Variants in CDH3 observed in about 807,000 individuals in gnomAD.
The protein encoded by CDH3 is cadherin-3.
CDH3 carries 54 observed loss-of-function variants against 82.0 expected under a neutral mutation model. The ratio of observed to expected loss-of-function variants is 0.66; its 90% CI spans 0.53 to 0.83. The LOEUF (loss-of-function observed/expected upper bound fraction) is 0.83, where lower values mean the gene tolerates loss of function less well. Ranked by LOEUF, CDH3 falls within the 40% of genes least tolerant of loss-of-function variation. CDH3 has a pLI of 0.00. For missense variants in CDH3, 1,054 were observed against 1,084.6 expected, an observed-to-expected ratio of 0.97 and a Z score of 0.40; for synonymous variants, 446 against 437.9, an observed-to-expected ratio of 1.02 and a Z score of -0.23.
At chr16:68,722,903 C>T (rs966491567) in intron 2 of CDH3, among the ~76,000 whole-genome samples, 24 of 152,122 alleles carry the variant, frequency 1.6e-4, no homozygotes, top group Admixed American at 1.4e-3. Context: ...CAGGGATTCT[C>T]CTGCCTCAGC....
chr16:68,712,015 GT>G (rs1448659156), intron 1 of CDH3, among the ~76,000 whole-genome samples: 1 of 141,154 alleles, frequency 7.1e-6, no homozygotes, highest in Non-Finnish European at 1.5e-5. Flanking sequence ...TGTTTTGTTT[GT>G]TTCTTGGGTT....
chr16:68,645,594 C>CG, intron 1 of CDH3, 42 bp from the exon 2 acceptor site: 1 of 1,507,092 alleles, frequency 6.6e-7, no homozygotes. Context: ...GGGCCGGGCA[C>CG]GCCTGGACCC....
rs757269075 is a variant in CDH3 at position 68,645,332 on chromosome 16, A to C, written c.-48A>C. ...CTCAAAGGGGCAAGAGCTGAGCGGAACACCGGCCCGCCGTCGCGGCAGCTG... is the reference window on the plus strand; with the variant it reads ...CTCAAAGGGGCAAGAGCTGAGCGGACCACCGGCCCGCCGTCGCGGCAGCTG... On this transcript the variant is annotated 5_prime_UTR_variant, in exon 1 of 16. Coordinates refer to ENST00000264012, the MANE Select transcript of CDH3 (RefSeq NM_001793.6). 1 of 1,599,846 alleles carries C rather than the reference A, an allele frequency of 6.3e-7. No homozygotes were observed. The highest frequency in any genetic ancestry group is 8.5e-7 in the Non-Finnish European group (1 of 1,170,228).
chr16:68,708,690 C>T (rs1427739186), intron 1 of CDH3, among the ~76,000 whole-genome samples: 1 of 151,166 alleles, frequency 6.6e-6, no homozygotes, highest in Non-Finnish European at 1.5e-5. Context: ...GTCGCCCAGG[C>T]TGGAGTACAG....
At position 68,693,095 on chromosome 16, in the gene CDH3, C is replaced by T. The variant is rs541531267; in HGVS notation, c.2002+1169C>T. On this transcript the variant is annotated intron_variant, in intron 13 of 15. Coordinates refer to ENST00000264012, the MANE Select transcript of CDH3 (RefSeq NM_001793.6). ...CTCCAGCCTGGGCAACAGGGCGAGACTCTGTCTTTAGAAAAACAAAACAAA... is the reference window on the plus strand; with the variant it reads ...CTCCAGCCTGGGCAACAGGGCGAGATTCTGTCTTTAGAAAAACAAAACAAA... 2.7e-4 allele frequency among the ~76,000 whole-genome samples: 41 copies of T among 152,272 alleles called. No homozygotes were observed. The South Asian group carries it at 8.3e-3, about 31-fold the overall frequency.
intron 2 of CDH3, among the ~76,000 whole-genome samples, chr16:68,655,115 A>T (rs1960379129): frequency 6.6e-6 from 1 of 152,240 alleles, no homozygotes; most frequent in East Asian, 1.9e-4. Flanking sequence ...AGCCTCAAGC[A>T]ATCGTCTTGC....
At chr16:68,692,066 T>A in intron 13 of CDH3, 140 bp downstream of exon 13, 1 of 642,702 alleles carries the variant, frequency 1.6e-6, no homozygotes, top group Non-Finnish European at 2.7e-6. Context: ...AGACAGGGTC[T>A]CACTCTGTCA....
chr16:68,716,608 G>A (rs1193948602), intron 1 of CDH3, among the ~76,000 whole-genome samples: 1 of 103,250 alleles, frequency 9.7e-6, no homozygotes, highest in Non-Finnish European at 1.7e-5. Flanking sequence ...GTGACAGAAT[G>A]AGACTCCGGC....
At chr16:68,728,974 C>T (rs1371482726), downstream of CDH3, among the ~76,000 whole-genome samples, 3 of 152,088 alleles carry the variant, frequency 2.0e-5, no homozygotes, top group East Asian at 1.9e-4. Context: ...GATTGAGGAA[C>T]GCGTTTAAGG....
At chr16:68,705,285 C>T (rs1019875334), downstream of CDH3, among the ~76,000 whole-genome samples, 1 of 152,152 alleles carries the variant, frequency 6.6e-6, no homozygotes, top group South Asian at 2.1e-4. Flanking sequence ...CTCACTGACT[C>T]TGAGACTCTG....
At chr16:68,731,036 AAAAAAAAAAAAATATATAT>A (rs1415877563), downstream of CDH3, among the ~76,000 whole-genome samples, 2 of 36,540 alleles carry the variant, frequency 5.5e-5, no homozygotes, top group Non-Finnish European at 1.5e-4. Flanking sequence ...AAAAAAAAAA[AAAAAAAAAAAAATATATAT>A]ATATATATAT....
intron 1 of CDH3, among the ~76,000 whole-genome samples, chr16:68,706,544 CTTTTTTTTTTTTT>C (rs34364461): frequency 2.5e-5 from 2 of 81,628 alleles, no homozygotes; most frequent in East Asian, 7.2e-4. Context: ...GTCACATTTC[CTTTTTTTTTTTTT>C]TTTTTTTTTT....
chr16:68,725,930 C>G (rs531242843), intron 2 of CDH3, among the ~76,000 whole-genome samples: 12 of 152,084 alleles, frequency 7.9e-5, no homozygotes, highest in Non-Finnish European at 1.6e-4. Flanking sequence ...TGGGACATGC[C>G]TGTAGTCCCA....
At chr16:68,675,028 A>G (rs1416056062) in intron 2 of CDH3, among the ~76,000 whole-genome samples, 1 of 151,774 alleles carries the variant, frequency 6.6e-6, no homozygotes, top group Non-Finnish European at 1.5e-5. Context: ...CAGAAGAATC[A>G]CTTGAACCTG....
rs139824268 is a variant in CDH3 at position 68,693,349 on chromosome 16, G to A, written c.2002+1423G>A. Among the ~76,000 whole-genome samples the A allele has an allele frequency of 2.6e-5, 4 of 152,208 alleles. No homozygotes were observed. In the East Asian group the frequency reaches 7.7e-4, roughly 29 times the overall value. Reference sequence around the variant, plus strand: ...CTAGGAGGCTGTAGCCATAATCCAGGGGTAAAAAGGTGATGGGAGGCTCAG... The same window carrying A: ...CTAGGAGGCTGTAGCCATAATCCAGAGGTAAAAAGGTGATGGGAGGCTCAG... On this transcript the variant is annotated intron_variant, in intron 13 of 15. Coordinates refer to ENST00000264012, the MANE Select transcript of CDH3 (RefSeq NM_001793.6).
rs767010914 is a variant in CDH3 at position 68,709,489 on chromosome 16, C to T, written c.100-12936C>T. 5.3e-5 allele frequency among the ~76,000 whole-genome samples: 8 copies of T among 152,176 alleles called. No individual in the cohort carries two copies. In the South Asian group the frequency reaches 6.2e-4, roughly 12 times the overall value. ...TGGGGTGAGCAGGGTTGCAGGGTCT[C>T]CCTCCGTCACCCAGGCTGGAGTACA... On this transcript the variant is annotated intron_variant, in intron 1 of 2. Transcript: ENST00000569080.
intron 2 of CDH3, among the ~76,000 whole-genome samples, chr16:68,667,689 T>C (rs1960774187): frequency 6.6e-6 from 1 of 152,176 alleles, no homozygotes; most frequent in Admixed American, 6.6e-5. Flanking sequence ...TTAAAAAGCT[T>C]TCTTTTCCCA....
chr16:68,646,953 C>T (rs192237497), intron 2 of CDH3, among the ~76,000 whole-genome samples: 2 of 151,108 alleles, frequency 1.3e-5, no homozygotes, highest in African/African-American at 4.9e-5. Context: ...GATTGAGGAC[C>T]TTGAGTCTGT....
intron 2 of CDH3, among the ~76,000 whole-genome samples, chr16:68,655,111 A>C (rs1960379007): frequency 6.6e-6 from 1 of 152,104 alleles, no homozygotes; most frequent in Non-Finnish European, 1.5e-5. Flanking sequence ...CCCTAGCCTC[A>C]AGCAATCGTC....
Sources: gnomAD v4.1 joint callset for allele counts (sites outside exome capture counted in the v4.1 genomes callset) on GRCh38, gnomAD v4.1.1 for gene constraint, MANE v1.5 for transcripts, NCBI Gene and HGNC (gene_info 2026-07-23, HGNC 2026-07-21) for gene names.